MATN1: variants seen among roughly 807,000 people sequenced by gnomAD.
The protein encoded by MATN1 is matrilin-1.
MATN1 carries 34 observed loss-of-function variants against 41.3 expected under a neutral mutation model. The ratio of observed to expected loss-of-function variants is 0.82; its 90% CI spans 0.63 to 1.10. The LOEUF (loss-of-function observed/expected upper bound fraction) is 1.10, where lower values mean the gene tolerates loss of function less well. Among genes scored for constraint, MATN1 ranks in the 50% least tolerant of loss-of-function variants. MATN1 has a pLI of 0.00. For missense variants in MATN1, 602 were observed against 662.4 expected (o/e 0.91, Z 1.00); for synonymous variants, 264 against 278.7 (o/e 0.95, Z 0.53).
At chr1:30,718,142 T>C (rs914472879) in intron 3 of MATN1, among the ~76,000 whole-genome samples, 18 of 150,372 alleles carry the variant, frequency 1.2e-4, no homozygotes, top group Admixed American at 1.1e-3. Flanking sequence ...GATGTTGCCG[T>C]GTAACTCAGT....
intron 2 of MATN1, chr1:30,720,912 T>G: frequency 6.5e-6 from 1 of 154,396 alleles, no homozygotes; most frequent in Non-Finnish European, 1.4e-5. Context: ...TGGGAAGCCT[T>G]ATGCTTTTGA....
rs765756099 is a variant in MATN1, at chr1:30,718,735, C to A, written c.664G>T (p.Val222Leu). Residue 222 changes from valine (V) to leucine (L), a missense_variant and splice_region_variant, in exon 3 of 8, where the codon GTG becomes TTG. Val to Leu is a conservative substitution (Grantham distance 32). Coordinates refer to ENST00000373765, the MANE Select transcript of MATN1 (RefSeq NM_002379.3). Reference protein sequence around the residue: ...LSRKFQEAFCVVSDLCATGDH... With the variant: ...LSRKFQEAFCLVSDLCATGDH... ...GCTCCGCCCCCGCCTGCCCGCGCAC[C>A]GCAGAAGGCCTCCTGGAACTTCCTG... The A allele has an allele frequency of 1.3e-6, 2 of 1,579,032 alleles. No individual in the cohort carries two copies. Among genetic ancestry groups the A allele is most frequent in the Non-Finnish European group, 1.7e-6 (2 of 1,159,170 alleles).
intron 3 of MATN1, 45 bp from the exon 4 acceptor site, chr1:30,716,960 TG>T: frequency 6.4e-7 from 1 of 1,571,210 alleles, no homozygotes; most frequent in Non-Finnish European, 8.7e-7. Flanking sequence ...CATAGTGCCT[TG>T]GGCACTACAG....
In MATN1 at chr1:30,711,971, G is replaced by A. The variant is rs1056635793; in HGVS notation, c.*1611C>T. ...TAGGAGGTGGAGTCAGGTCATGGGG[G>A]CGAGGGTGGCTGTGCCCCAGTTAAG... On this transcript the variant is annotated 3_prime_UTR_variant, in exon 8 of 8. Coordinates refer to ENST00000373765, the MANE Select transcript of MATN1 (RefSeq NM_002379.3). The A allele has an allele frequency of 1.3e-5, 2 of 152,600 alleles. No homozygotes were observed. Among genetic ancestry groups the A allele is most frequent in the African/African-American group, 2.4e-5 (1 of 41,444 alleles). 9.5% of individuals were successfully genotyped at this position (152,600 alleles called of 1,614,324 possible).
chr1:30,711,521 G>A lies in MATN1; in HGVS notation c.*2061C>T, dbSNP rs1188395. ...GAGTGAAGGGCAAGAGTTTGGGATT[G>A]AAAGATCCCAAGAAGCTGGTCCCTG... On this transcript the variant is annotated 3_prime_UTR_variant, in exon 8 of 8. Coordinates refer to ENST00000373765, the MANE Select transcript of MATN1 (RefSeq NM_002379.3). 0.54 allele frequency: 82,581 copies of A among 151,980 alleles called. 23,409 individuals carry two copies. The highest frequency in any genetic ancestry group is 0.71 in the African/African-American group (29,328 of 41,410). 9.4% of individuals were successfully genotyped at this position (151,980 alleles called of 1,614,324 possible).
Position 30,716,134 on chromosome 1 carries a change from G to A in MATN1, c.982C>T (p.Pro328Ser), listed in dbSNP as rs761058622. The change falls in exon 5 of 8, where the codon CCC becomes TCC. Residue 328 changes from proline (P) to serine (S), a missense_variant. Coordinates refer to ENST00000373765, the MANE Select transcript of MATN1 (RefSeq NM_002379.3). Reference protein sequence around the residue: ...QYSSSVRQEFPLGRFHTKKDI... With the variant: ...QYSSSVRQEFSLGRFHTKKDI... ...TTCTTGGTGTGGAAGCGACCCAGGGGGAACTCCTGGCGCACAGAGCTTGAG... is the reference window on the plus strand; with the variant it reads ...TTCTTGGTGTGGAAGCGACCCAGGGAGAACTCCTGGCGCACAGAGCTTGAG... 1.2e-6 allele frequency: 2 copies of A among 1,614,208 alleles called. No homozygotes were observed. The highest frequency in any genetic ancestry group is 2.2e-5 in the South Asian group (2 of 91,086).
Position 30,721,619 on chromosome 1 carries a change from T to C in MATN1, c.227A>G (p.Asn76Ser), listed in dbSNP as rs781410794. ...GTTGACCATGCCCACCCGGGTGGCA[T>C]TGGGCCCCACGTCCAGCGACTCGAT... ...QVIESLDVGP[N>S]ATRVGMVNYA... The change falls in exon 2 of 8, where the codon AAT (asparagine) becomes AGT (serine). Residue 76 changes from asparagine (N) to serine (S), a missense_variant. By Grantham distance (46) the Asn-to-Ser change is conservative. Coordinates refer to ENST00000373765, the MANE Select transcript of MATN1 (RefSeq NM_002379.3). 14 of 1,613,376 alleles carry C rather than the reference T, an allele frequency of 8.7e-6. No homozygotes were observed. The highest frequency in any genetic ancestry group is 1.6e-4 in the Middle Eastern group (1 of 6,084).
At position 30,723,485 on chromosome 1, in the gene MATN1, T is replaced by C; in HGVS notation, c.67A>G (p.Ser23Gly). Residue 23 changes from serine to glycine, a missense_variant, in exon 1 of 8, where the codon AGC becomes GGC. Coordinates refer to ENST00000373765, the MANE Select transcript of MATN1 (RefSeq NM_002379.3). ...SLLLLLQALC[S>G]PGLAPQSRGH... is the part of the protein sequence containing the mutation. ...CTGGACTGGGGGGCGAGGCCAGGGC[T>C]GCACAGGGCCTGGAGCAGCAGCAGC... 1 of 1,530,106 alleles carries C rather than the reference T, an allele frequency of 6.5e-7. No individual in the cohort carries two copies. Among genetic ancestry groups the C allele is most frequent in the Non-Finnish European group, 8.8e-7 (1 of 1,138,046 alleles). The allele number at this position is 1,530,106 out of a possible 1,614,324, so 94.8% of individuals were successfully genotyped here.
chr1:30,711,875 G>A lies in MATN1; in HGVS notation c.*1707C>T, dbSNP rs1399052195. On this transcript the variant is annotated 3_prime_UTR_variant, in exon 8 of 8. Coordinates refer to ENST00000373765, the MANE Select transcript of MATN1 (RefSeq NM_002379.3). ...ATAACTTCTCAGGTGGCTGTGTCAA[G>A]GAGCCTCCTTGGACAGCAGAAAAAC... The A allele has an allele frequency of 7.9e-5, 12 of 152,354 alleles. No homozygotes were observed. The highest frequency in any genetic ancestry group is 1.5e-4 in the Non-Finnish European group (10 of 68,078). 9.4% of individuals were successfully genotyped at this position (152,354 alleles called of 1,614,324 possible).
chr1:30,722,405 C>G (rs1639707636), intron 1 of MATN1, among the ~76,000 whole-genome samples: 1 of 152,272 alleles, frequency 6.6e-6, no homozygotes, highest in Non-Finnish European at 1.5e-5. Context: ...GCAGCCTGAT[C>G]AGGTGCACAC....
rs757808148 is a variant in MATN1, at chr1:30,716,171, C to A, written c.945G>T (p.Gly315=). The change falls in exon 5 of 8, where the codon GGG becomes GGT. Residue 315 remains glycine (G), a synonymous_variant. Transcript: ENST00000373765. ...LDVSDKLAQV[G]LVQYSSSVRQ... ...GCACAGAGCTTGAGTACTGCACCAGCCCCACCTGGGCCAGCTTGTCTGACA... is the reference window on the plus strand; with the variant it reads ...GCACAGAGCTTGAGTACTGCACCAGACCCACCTGGGCCAGCTTGTCTGACA... The A allele has an allele frequency of 6.2e-7, 1 of 1,614,222 alleles. No homozygotes were observed.
At position 30,716,853 on chromosome 1, in the gene MATN1, C is replaced by CG. The variant is rs1557450385; in HGVS notation, c.726dup (p.Gly243ArgfsTer33). 1 of 1,613,936 alleles carries CG rather than the reference C, an allele frequency of 6.2e-7. No homozygotes were observed. The highest frequency in any genetic ancestry group is 1.1e-5 in the South Asian group (1 of 91,050). On this transcript the variant is annotated frameshift_variant, in exon 4 of 8. Transcript: ENST00000373765. LOFTEE classifies it high-confidence loss of function. ...TCGTGGCAGGCGCAGGTGTAGGAAC[C>CG]GGGGGAGCTGATGCACACCTGCTCA...
intron 3 of MATN1, among the ~76,000 whole-genome samples, chr1:30,717,636 T>A (rs1265807684): frequency 6.7e-6 from 1 of 148,980 alleles, no homozygotes; most frequent in African/African-American, 2.5e-5. Context: ...GTTTTTTGTG[T>A]GTGCGGTTTT....
intron 3 of MATN1, among the ~76,000 whole-genome samples, chr1:30,718,287 C>G (rs1639648683): frequency 6.6e-6 from 1 of 152,094 alleles, no homozygotes; most frequent in Admixed American, 6.5e-5. Context: ...AGCGCGGACT[C>G]TCAGTCTCTG....
intron 3 of MATN1, 79 bp downstream of exon 3, chr1:30,718,656 C>A: frequency 9.3e-7 from 1 of 1,078,274 alleles, no homozygotes; most frequent in Admixed American, 3.4e-5. Flanking sequence ...GCCTCGGTCC[C>A]GCCTCCAGCC....
chr1:30,721,590 C>T lies in MATN1; in HGVS notation c.256G>A (p.Ala86Thr). 6.2e-7 allele frequency: 1 copy of T among 1,613,474 alleles called. No homozygotes were observed. The highest frequency in any genetic ancestry group is 2.2e-5 in the East Asian group (1 of 44,884). Residue 86 changes from alanine (A) to threonine (T), a missense_variant, in exon 2 of 8, where the codon GCC becomes ACC. Ala to Thr is a moderately conservative substitution (Grantham distance 58, BLOSUM62 0). Coordinates refer to ENST00000373765, the MANE Select transcript of MATN1 (RefSeq NM_002379.3). ...NATRVGMVNY[A>T]STVKQEFSLR... is the part of the protein sequence containing the mutation. The stretch of plus-strand genomic sequence containing the variant: ...GAGAACTCCTGCTTCACGGTGCTGG[C>T]ATAGTTGACCATGCCCACCCGGGTG...
In MATN1 at chr1:30,723,332, C is replaced by G. The variant is rs114166280; in HGVS notation, c.94+126G>C. 8.4e-4 allele frequency: 574 copies of G among 681,048 alleles called. 3 individuals are homozygous for G. The African/African-American group carries it at 0.01, about 12-fold the overall frequency. The allele number at this position is 681,048 out of a possible 1,614,324, so 42.2% of individuals were successfully genotyped here. A position where few individuals can be genotyped will look rare whatever the true frequency, so the allele number is the denominator to read the frequency against. ...TCCTGCACCAGCCCACTGCCCACCA[C>G]TGCCGCCCTGCTCCCTTCCCCATCC... On this transcript the variant is annotated intron_variant, in intron 1 of 7. Coordinates refer to ENST00000373765, the MANE Select transcript of MATN1 (RefSeq NM_002379.3).
chr1:30,717,779 C>G (rs1429918626), intron 3 of MATN1, among the ~76,000 whole-genome samples: 1 of 152,006 alleles, frequency 6.6e-6, no homozygotes, highest in Admixed American at 6.6e-5. Context: ...CGCAGCCTCC[C>G]GAGTAGCTGG....
chr1:30,721,653 A>G lies in MATN1; in HGVS notation c.193T>C (p.Ser65Pro). 1.2e-6 allele frequency: 2 copies of G among 1,613,474 alleles called. No individual in the cohort carries two copies. The highest frequency in any genetic ancestry group is 1.7e-6 in the Non-Finnish European group (2 of 1,180,030). ...ACGTCCAGCGACTCGATGACCTGGGACAGGAATACCTTCACTTTCTCAAAT... is the reference window on the plus strand; with the variant it reads ...ACGTCCAGCGACTCGATGACCTGGGGCAGGAATACCTTCACTTTCTCAAAT... Reference protein sequence around the residue: ...VEFEKVKVFLSQVIESLDVGP... With the variant: ...VEFEKVKVFLPQVIESLDVGP... Residue 65 changes from serine (S) to proline (P), a missense_variant, in exon 2 of 8, where the codon TCC becomes CCC. Coordinates refer to ENST00000373765, the MANE Select transcript of MATN1 (RefSeq NM_002379.3).
Sources: gnomAD v4.1 joint callset for allele counts (sites outside exome capture counted in the v4.1 genomes callset) on GRCh38, gnomAD v4.1.1 for gene constraint, MANE v1.5 for transcripts, NCBI Gene and HGNC (gene_info 2026-07-23, HGNC 2026-07-21) for gene names.